The following TNC variants were observed in gnomAD, a reference collection of about 807,000 sequenced individuals.
TNC encodes the protein tenascin C, also known as tenascin.
Under a neutral mutation model 202.4 loss-of-function variants are expected in TNC, and 109 were observed. That is an observed-to-expected ratio of 0.54 (90% CI 0.46 to 0.63). The LOEUF (loss-of-function observed/expected upper bound fraction) is 0.63, where lower values mean the gene tolerates loss of function less well. Ranked by LOEUF, TNC falls within the 30% of genes least tolerant of loss-of-function variation. The pLI is 0.00. For synonymous variants in TNC, 1,007 were observed against 1,089.7 expected, an observed-to-expected ratio of 0.92 and a Z score of 1.50; for missense variants, 2,756 against 2,833.3, an observed-to-expected ratio of 0.97 and a Z score of 0.62.
chr9:115,101,291 A>G (rs1836215725), intron 1 of TNC, among the ~76,000 whole-genome samples: 1 of 152,196 alleles, frequency 6.6e-6, no homozygotes, highest in Non-Finnish European at 1.5e-5. Context: ...AGCTCATTGC[A>G]ACTTCTACCT....
chr9:115,080,526 C>T (rs1225975317), intron 6 of TNC, among the ~76,000 whole-genome samples: 3 of 152,086 alleles, frequency 2.0e-5, no homozygotes, highest in Admixed American at 1.3e-4. Flanking sequence ...CAAGAAGAGT[C>T]GATTACTTAA....
At chr9:115,074,187 G>A (rs1287935222) in intron 9 of TNC, among the ~76,000 whole-genome samples, 2 of 152,196 alleles carry the variant, frequency 1.3e-5, no homozygotes, top group Non-Finnish European at 2.9e-5. Flanking sequence ...TGAATCTCGA[G>A]AGAATTATGC....
Position 115,048,363 on chromosome 9 carries a change from C to T in TNC, c.4749G>A (p.Lys1583=), listed in dbSNP as rs1234679186. ...CAGTTATGAGGCCTCTAAGCTCCAG[C>T]TTCCTCTGGGTTCCTGAAAGTGTGA... The part of the protein sequence containing the change: ...QEFTLSGTQR[K]LELRGLITGI... The change falls in exon 16 of 28, where the codon AAG becomes AAA. Residue 1583 remains lysine, a synonymous_variant. Coordinates refer to ENST00000350763, the MANE Select transcript of TNC (RefSeq NM_002160.4). The T allele has an allele frequency of 2.5e-6, 4 of 1,613,972 alleles. No homozygotes were observed. Among genetic ancestry groups the T allele is most frequent in the East Asian group, 4.5e-5 (2 of 44,890 alleles).
rs865979105 is a variant in TNC, at chr9:115,057,237, G to T, written c.4495C>A (p.Pro1499Thr). ...TAGACAATAAAATCAGTACTAGGGGGTAGCCCTGAGATATGGGCAGTTCGT... is the reference window on the plus strand; with the variant it reads ...TAGACAATAAAATCAGTACTAGGGGTTAGCCCTGAGATATGGGCAGTTCGT... ...AERTAHISGL[P>T]PSTDFIVYLS... The change falls in exon 15 of 28, where the codon CCC (proline) becomes ACC (threonine). Residue 1499 changes from proline (P) to threonine (T), a missense_variant. This residue lies in a region of TNC where 2,559 missense variants were observed against 2,546.0 expected (regional missense o/e 1.01). Coordinates refer to ENST00000350763, the MANE Select transcript of TNC (RefSeq NM_002160.4). 1 of 1,614,150 alleles carries T rather than the reference G, an allele frequency of 6.2e-7. No homozygotes were observed. The highest frequency in any genetic ancestry group is 1.6e-4 in the Middle Eastern group (1 of 6,062).
At chr9:115,027,136 C>T (rs1448018091) in intron 25 of TNC, among the ~76,000 whole-genome samples, 1 of 148,662 alleles carries the variant, frequency 6.7e-6, no homozygotes, top group Non-Finnish European at 1.5e-5. Context: ...AAAAAAGGGC[C>T]ATATCACACA....
rs1402339020 is a variant in TNC, at chr9:115,073,509, C to T, written c.3214+94G>A. ...AGATGGAGAAAGTGGCTTGCTTTTG[C>T]ATTTGGCTTTCTCATGTGAGGACAC... is the stretch of plus-strand genomic sequence containing the variant. On this transcript the variant is annotated intron_variant, in intron 10 of 27. Transcript: ENST00000350763. 6.1e-6 allele frequency: 9 copies of T among 1,475,564 alleles called. No individual in the cohort carries two copies. The East Asian group carries it at 6.9e-5, about 11-fold the overall frequency. The allele number at this position is 1,475,564 out of a possible 1,614,324, so 91.4% of individuals were successfully genotyped here. A position where few individuals can be genotyped will look rare whatever the true frequency, so the allele number is the denominator to read the frequency against.
At chr9:115,060,120 T>A (rs1832437422) in intron 13 of TNC, 118 bp from the exon 14 acceptor site, 3 of 1,171,800 alleles carry the variant, frequency 2.6e-6, no homozygotes, top group Non-Finnish European at 3.5e-6. Flanking sequence ...TTTTTTTAAT[T>A]CTTGGTCTCT....
intron 1 of TNC, among the ~76,000 whole-genome samples, chr9:115,107,643 G>T (rs1836719396): frequency 6.6e-6 from 1 of 152,166 alleles, no homozygotes; most frequent in African/African-American, 2.4e-5. Context: ...TGGCTTAAGA[G>T]GCAGAGCCAG....
intron 17 of TNC, among the ~76,000 whole-genome samples, chr9:115,044,525 T>C (rs943249545): frequency 1.3e-5 from 2 of 152,034 alleles, no homozygotes; most frequent in African/African-American, 4.8e-5. Flanking sequence ...TTGCCTTTTT[T>C]TTTTGTTGTT....
At chr9:115,085,526 C>T (rs1298556628) in intron 3 of TNC, among the ~76,000 whole-genome samples, 1 of 152,096 alleles carries the variant, frequency 6.6e-6, no homozygotes, top group Non-Finnish European at 1.5e-5. Flanking sequence ...TCATCTTGAA[C>T]ACTAGATGTG....
At chr9:115,074,354 C>T (rs938612871) in intron 9 of TNC, among the ~76,000 whole-genome samples, 1 of 152,076 alleles carries the variant, frequency 6.6e-6, no homozygotes, top group African/African-American at 2.4e-5. Flanking sequence ...GGAGTGGTGC[C>T]CTTATAAAAG....
chr9:115,026,551 C>T lies in TNC; in HGVS notation c.6314G>A (p.Gly2105Glu). Residue 2105 changes from glycine (G) to glutamate (E), a missense_variant, in exon 26 of 28, where the codon GGG becomes GAG. Physicochemically the swap from Gly to Glu is moderately conservative, Grantham distance 98. This residue lies in a region of TNC where 197 missense variants were observed against 287.3 expected (regional missense o/e 0.69). Coordinates refer to ENST00000350763, the MANE Select transcript of TNC (RefSeq NM_002160.4). ...TACTGTACCTGCTGTCCCACTGTAC[C>T]CCTCCACCTTCAGCTTGTAGCGAGT... ...AKTRYKLKVE[G>E]YSGTAGDSMA... The T allele has an allele frequency of 2.5e-6, 4 of 1,614,018 alleles. No individual in the cohort carries two copies. The highest frequency in any genetic ancestry group is 3.4e-6 in the Non-Finnish European group (4 of 1,179,968).
rs1830330253 is a variant in TNC at position 115,036,325 on chromosome 9, C to T, written c.5513-84G>A. The T allele has an allele frequency of 4.1e-6, 6 of 1,465,444 alleles. No individual in the cohort carries two copies. The South Asian group carries it at 7.4e-5, about 18-fold the overall frequency. The allele number at this position is 1,465,444 out of a possible 1,614,324, so 90.8% of individuals were successfully genotyped here. On this transcript the variant is annotated intron_variant, in intron 20 of 27. Transcript: ENST00000350763. ...GCTTGGCAAACCACATACACACCTC[C>T]TTCGAACATCGAAACTTTCAGTGAC...
At chr9:115,071,637 T>C (rs1008299539) in intron 10 of TNC, among the ~76,000 whole-genome samples, 4 of 151,588 alleles carry the variant, frequency 2.6e-5, no homozygotes, top group Non-Finnish European at 5.9e-5. Context: ...TGAGGGGCAA[T>C]AGGAATCTCT....
Position 115,084,137 on chromosome 9 carries a change from TG to T in TNC, c.2131+71del, listed in dbSNP as rs533454798. 499 of 1,515,302 alleles carry T rather than the reference TG, an allele frequency of 3.3e-4. 7 individuals carry two copies. The South Asian group carries it at 5.8e-3, about 18-fold the overall frequency. The allele number at this position is 1,515,302 out of a possible 1,614,324, so 93.9% of individuals were successfully genotyped here. A position where few individuals can be genotyped will look rare whatever the true frequency, so the allele number is the denominator to read the frequency against. ...AACAACTATAGGATTGTAGGGGCCG[TG>T]GCGAGGGAGGGTTATACACTGGGTG... On this transcript the variant is annotated intron_variant, in intron 4 of 27. Transcript: ENST00000350763.
Position 115,086,183 on chromosome 9 carries a change from G to T in TNC, c.1548C>A (p.Cys516Ter). 4.3e-6 allele frequency: 7 copies of T among 1,614,064 alleles called. No individual in the cohort carries two copies. Among genetic ancestry groups the T allele is most frequent in the Non-Finnish European group, 5.9e-6 (7 of 1,180,028 alleles). ...SNRGLCVDGQCVCEDGFTGPD... is the reference protein window; with the variant it reads ...SNRGLCVDGQ Reference sequence around the variant, plus strand: ...GGCCGGTGAAGCCGTCCTCACAGACGCACTGTCCGTCCACACAGAGGCCCC... The same window carrying T: ...GGCCGGTGAAGCCGTCCTCACAGACTCACTGTCCGTCCACACAGAGGCCCC... The change falls in exon 3 of 28, where the codon TGC becomes TGA. Residue 516 changes from cysteine to a stop codon, truncating the protein, a stop_gained. Coordinates refer to ENST00000350763, the MANE Select transcript of TNC (RefSeq NM_002160.4). LOFTEE classifies it high-confidence loss of function.
chr9:115,115,207 C>T (rs62580477), intron 1 of TNC: 3,804 of 152,320 alleles, frequency 0.025, 73 homozygotes, highest in Non-Finnish European at 0.04. Context: ...CTTGAATTCT[C>T]TTTCCAAATT....
intron 21 of TNC, 126 bp downstream of exon 21, chr9:115,035,972 C>T (rs765245766): frequency 3.5e-5 from 39 of 1,103,648 alleles, no homozygotes; most frequent in Middle Eastern, 6.0e-4. Flanking sequence ...TTAAGTGATG[C>T]TGATGTAATC....
At chr9:115,025,204 G>A (rs867110336) in intron 26 of TNC, among the ~76,000 whole-genome samples, 47 of 152,324 alleles carry the variant, frequency 3.1e-4, no homozygotes, top group African/African-American at 1.0e-3. Flanking sequence ...TGCTTGCCCT[G>A]TAACATTCTT....
Sources: allele counts gnomAD v4.1 joint callset (sites outside exome capture counted in the v4.1 genomes callset), GRCh38; gene constraint gnomAD v4.1.1; regional missense constraint gnomAD v4.1.1; transcripts MANE v1.5; gene names NCBI Gene and HGNC (gene_info 2026-07-23, HGNC 2026-07-21).